AGO3: variants seen among roughly 807,000 people sequenced by gnomAD.
AGO3 encodes protein argonaute-3.
AGO3 carries 16 observed loss-of-function variants against 105.5 expected under a neutral mutation model. The observed-to-expected ratio is 0.15, with a 90% CI of 0.10 to 0.23. AGO3 has a LOEUF of 0.23. Among genes scored for constraint, AGO3 ranks in the 10% least tolerant of loss-of-function variants. The pLI is 1.00. For synonymous variants in AGO3, 340 were observed against 367.3 expected, an observed-to-expected ratio of 0.93 and a Z score of 0.85; for missense variants, 534 against 1,088.0, an observed-to-expected ratio of 0.49 and a Z score of 7.16.
chr1:35,976,000 A>G (rs928079527), intron 5 of AGO3, among the ~76,000 whole-genome samples: 1 of 148,242 alleles, frequency 6.7e-6, no homozygotes, highest in African/African-American at 2.5e-5. Flanking sequence ...CAATGGAGTG[A>G]TCTCGGCTCA....
Position 36,065,239 on chromosome 1 carries a change from C to T in AGO3, c.*9494C>T, listed in dbSNP as rs1643077393. ...TTAAGGATATTTATTGCGCTTATAA[C>T]CTTAATAGTTGTATTCATTACATTT... On this transcript the variant is annotated 3_prime_UTR_variant, in exon 19 of 19. Transcript: ENST00000373191. The T allele has an allele frequency of 6.6e-6, 1 of 151,926 alleles. No homozygotes were observed. The highest frequency in any genetic ancestry group is 2.4e-5 in the African/African-American group (1 of 41,354). 9.4% of individuals were successfully genotyped at this position (151,926 alleles called of 1,614,324 possible).
upstream of AGO3, chr1:35,931,019 G>A (rs1199194746): frequency 2.7e-6 from 1 of 366,120 alleles, no homozygotes; most frequent in East Asian, 4.0e-5. Flanking sequence ...GCTCCGGCAC[G>A]GCTCGGGGCC....
chr1:36,035,232 C>G (rs1226287545), intron 13 of AGO3, among the ~76,000 whole-genome samples: 2 of 151,974 alleles, frequency 1.3e-5, no homozygotes, highest in African/African-American at 4.8e-5. Flanking sequence ...AACTTTATCT[C>G]TACAAAAAAA....
At chr1:36,051,230 C>T (rs953494766) in intron 17 of AGO3, among the ~76,000 whole-genome samples, 9 of 152,102 alleles carry the variant, frequency 5.9e-5, no homozygotes, top group Admixed American at 1.3e-4. Context: ...TTACCATGCC[C>T]GGCCTCAAAT....
At chr1:36,025,373 A>C (rs1003608459) in intron 11 of AGO3, among the ~76,000 whole-genome samples, 1 of 151,496 alleles carries the variant, frequency 6.6e-6, no homozygotes, top group African/African-American at 2.4e-5. Flanking sequence ...GGCTTATTAC[A>C]ATGCTATGAT....
intron 13 of AGO3, 100 bp downstream of exon 13, chr1:36,034,433 C>A (rs1216645215): frequency 1.4e-5 from 11 of 791,238 alleles, no homozygotes; most frequent in Non-Finnish European, 1.9e-5. Context: ...AAGAGACCCC[C>A]TTAATAATTC....
In AGO3 at chr1:36,072,309, A is replaced by G. The variant is rs1643176009; in HGVS notation, c.*16564A>G. 6.6e-6 allele frequency: 1 copy of G among 152,240 alleles called. No individual in the cohort carries two copies. Among genetic ancestry groups the G allele is most frequent in the African/African-American group, 2.4e-5 (1 of 41,456 alleles). The allele number at this position is 152,240 out of a possible 1,614,324, so 9.4% of individuals were successfully genotyped here. A position where few individuals can be genotyped will look rare whatever the true frequency, so the allele number is the denominator to read the frequency against. ...AATTGTCATGATTCTTTCTGAGCCA[A>G]ACTGTCACGAAATGTTCTGTGACAG... is the stretch of plus-strand genomic sequence containing the variant. On this transcript the variant is annotated 3_prime_UTR_variant, in exon 19 of 19. Coordinates refer to ENST00000373191, the MANE Select transcript of AGO3 (RefSeq NM_024852.4).
chr1:36,041,072 CAAAAAAAAAA>C (rs35842002), intron 16 of AGO3, among the ~76,000 whole-genome samples: 1 of 33,218 alleles, frequency 3.0e-5, no homozygotes, highest in Non-Finnish European at 6.8e-5. Context: ...AACTCCATCT[CAAAAAAAAAA>C]AAAAAAAAAA....
intron 1 of AGO3, among the ~76,000 whole-genome samples, chr1:35,944,651 C>A: frequency 6.7e-6 from 1 of 149,936 alleles, no homozygotes; most frequent in Non-Finnish European, 1.5e-5. Flanking sequence ...CAGGCCTGCA[C>A]CACCATGCCT....
At position 35,944,675 on chromosome 1, in the gene AGO3, A is replaced by AT. The variant is rs1474416494; in HGVS notation, c.20-1010dup. Among the ~76,000 whole-genome samples the AT allele has an allele frequency of 4.9e-5, 7 of 142,920 alleles. No individual in the cohort carries two copies. The East Asian group carries it at 8.4e-4, about 17-fold the overall frequency. The allele number at this position is 142,920 out of a possible 152,430, so 93.8% of individuals were successfully genotyped here. ...ACCACCATGCCTGGCTAATTTTTGT[A>AT]TTTTTTTAAATAGAGACAGGGTTTC... On this transcript the variant is annotated intron_variant, in intron 1 of 18. Coordinates refer to ENST00000373191, the MANE Select transcript of AGO3 (RefSeq NM_024852.4).
chr1:35,944,807 T>C (rs1646331152), intron 1 of AGO3, among the ~76,000 whole-genome samples: 1 of 151,940 alleles, frequency 6.6e-6, no homozygotes, highest in Non-Finnish European at 1.5e-5. Flanking sequence ...CCCAGCCCAC[T>C]TATCTTTTTT....
chr1:35,966,052 C>T (rs958656795), intron 2 of AGO3, among the ~76,000 whole-genome samples: 8 of 151,910 alleles, frequency 5.3e-5, no homozygotes, highest in Non-Finnish European at 8.8e-5. Context: ...CTCAAACTCC[C>T]GACCTCAGGT....
intron 12 of AGO3, among the ~76,000 whole-genome samples, chr1:36,033,922 A>T (rs1458802349): frequency 6.6e-6 from 1 of 152,222 alleles, no homozygotes; most frequent in Non-Finnish European, 1.5e-5. Context: ...CAGTTATGCT[A>T]TGGCAAAAAT....
At chr1:35,957,715 G>A (rs566213733) in intron 2 of AGO3, among the ~76,000 whole-genome samples, 1 of 152,042 alleles carries the variant, frequency 6.6e-6, no homozygotes, top group African/African-American at 2.4e-5. Flanking sequence ...AACAGAGTGT[G>A]ATTCCATCTC....
intron 5 of AGO3, among the ~76,000 whole-genome samples, chr1:35,987,055 C>T (rs1173697047): frequency 1.4e-5 from 2 of 140,088 alleles, no homozygotes; most frequent in Non-Finnish European, 3.1e-5. Context: ...GGGCTAGGCA[C>T]GGTGGCTCAT....
At chr1:35,950,213 C>A (rs553643328) in intron 2 of AGO3, among the ~76,000 whole-genome samples, 4 of 151,184 alleles carry the variant, frequency 2.6e-5, no homozygotes, top group African/African-American at 9.7e-5. Flanking sequence ...GAGTAAGACT[C>A]CGTCTCAAAA....
At chr1:35,942,882 G>T (rs568136582) in intron 1 of AGO3, among the ~76,000 whole-genome samples, 1 of 152,012 alleles carries the variant, frequency 6.6e-6, no homozygotes, top group Non-Finnish European at 1.5e-5. Flanking sequence ...ATCTGCATTT[G>T]CTCATATCTC....
intron 17 of AGO3, among the ~76,000 whole-genome samples, chr1:36,050,051 C>T (rs1237089920): frequency 6.6e-6 from 1 of 152,224 alleles, no homozygotes; most frequent in African/African-American, 2.4e-5. Context: ...TTAAAATACA[C>T]TTTAGACCAA....
chr1:36,004,705 A>G (rs1640259853), intron 6 of AGO3, among the ~76,000 whole-genome samples: 1 of 152,150 alleles, frequency 6.6e-6, no homozygotes, highest in South Asian at 2.1e-4. Context: ...ATTTTTTGTT[A>G]ATACTTTCCC....
Sources: gnomAD v4.1 joint callset for allele counts (sites outside exome capture counted in the v4.1 genomes callset) on GRCh38, gnomAD v4.1.1 for gene constraint, MANE v1.5 for transcripts, NCBI Gene and HGNC (gene_info 2026-07-23, HGNC 2026-07-21) for gene names.